Variants in TNS1 observed in about 807,000 individuals in gnomAD.
The protein encoded by TNS1 is tensin 1, also known as tensin-1.
In TNS1, 62 loss-of-function variants were observed where a neutral mutation model predicts 168.6. That is an observed-to-expected ratio of 0.37 (90% confidence interval 0.30 to 0.45). TNS1 has a LOEUF of 0.45. Among genes scored for constraint, TNS1 ranks in the 20% least tolerant of loss-of-function variants. TNS1 has a pLI of 1.00. For missense variants in TNS1, 2,240 were observed against 2,339.4 expected (o/e 0.96, Z 0.88); for synonymous variants, 934 against 933.2 (o/e 1.00, Z -0.02).
Position 217,821,731 on chromosome 2 carries a change from C to A in TNS1, c.3572+9G>T. ...CCCATCCCCCACCCACTGCCCCTTC[C>A]CGGCTTACCTGTCAGCACTGAGGAT... On this transcript the variant is annotated intron_variant, in intron 23 of 32. Coordinates refer to ENST00000682258, the MANE Select transcript of TNS1 (RefSeq NM_001387777.1). 7.0e-7 allele frequency: 1 copy of A among 1,431,922 alleles called. No individual in the cohort carries two copies. The allele number at this position is 1,431,922 out of a possible 1,614,324, so 88.7% of individuals were successfully genotyped here. A position where few individuals can be genotyped will look rare whatever the true frequency, so the allele number is the denominator to read the frequency against.
At chr2:217,923,629 T>C (rs889008649) in intron 3 of TNS1, among the ~76,000 whole-genome samples, 2 of 152,146 alleles carry the variant, frequency 1.3e-5, no homozygotes, top group Non-Finnish European at 2.9e-5. Flanking sequence ...ACAGGAACAA[T>C]GCTCACGGAG....
At chr2:217,871,685 C>A (rs1392763501) in intron 18 of TNS1, among the ~76,000 whole-genome samples, 5 of 152,272 alleles carry the variant, frequency 3.3e-5, no homozygotes, top group Non-Finnish European at 5.9e-5. Flanking sequence ...GACTCTGCTC[C>A]CCACTGCTGA....
At chr2:217,939,352 C>T (rs1956792516) in intron 3 of TNS1, among the ~76,000 whole-genome samples, 1 of 152,202 alleles carries the variant, frequency 6.6e-6, no homozygotes, top group Non-Finnish European at 1.5e-5. Flanking sequence ...CATCAAAACC[C>T]TCACCCCTCT....
rs1940505823 is a variant in TNS1, at chr2:217,809,880, G to A, written c.5216C>T (p.Thr1739Ile). ...TLAADPTPAATIVHFKVSAQG... is the reference protein window; with the variant it reads ...TLAADPTPAAIIVHFKVSAQG... ...GGCAGAGACTTTGAAGTGAACGATGGTGGCAGCTGGCGTGGGGTCTGCAGC... is the reference window on the plus strand; with the variant it reads ...GGCAGAGACTTTGAAGTGAACGATGATGGCAGCTGGCGTGGGGTCTGCAGC... The change falls in exon 30 of 33, where the codon ACC (threonine) becomes ATC (isoleucine). Residue 1739 changes from threonine (T) to isoleucine (I), a missense_variant. By Grantham distance (89) the Thr-to-Ile change is moderately conservative (BLOSUM62 -1). This residue lies in a region of TNS1 where 109 missense variants were observed against 168.1 expected (regional missense o/e 0.65). Coordinates refer to ENST00000682258, the MANE Select transcript of TNS1 (RefSeq NM_001387777.1). 1 of 1,614,124 alleles carries A rather than the reference G, an allele frequency of 6.2e-7. No individual in the cohort carries two copies. The highest frequency in any genetic ancestry group is 8.5e-7 in the Non-Finnish European group (1 of 1,180,016).
chr2:217,961,440 G>A (rs993970344), intron 3 of TNS1, among the ~76,000 whole-genome samples: 1 of 152,076 alleles, frequency 6.6e-6, no homozygotes, highest in Non-Finnish European at 1.5e-5. Context: ...TCCCCAGGAG[G>A]AGTGAAAACT....
chr2:217,870,485 G>A (rs941032820), intron 18 of TNS1, among the ~76,000 whole-genome samples: 4 of 152,220 alleles, frequency 2.6e-5, no homozygotes, highest in Non-Finnish European at 5.9e-5. Context: ...GATATAATTA[G>A]AGTCGGTATC....
intron 27 of TNS1, among the ~76,000 whole-genome samples, chr2:217,812,885 G>A (rs1300403997): frequency 6.6e-6 from 1 of 152,170 alleles, no homozygotes; most frequent in Non-Finnish European, 1.5e-5. Context: ...CAAACAGGAT[G>A]GTTGTGAGGC....
intron 19 of TNS1, among the ~76,000 whole-genome samples, chr2:217,843,007 G>A (rs1219740741): frequency 6.6e-6 from 1 of 152,024 alleles, no homozygotes; most frequent in East Asian, 1.9e-4. Flanking sequence ...TGCTGTAAGG[G>A]CAAGGATCTT....
At chr2:218,004,663 C>T (rs953191186), upstream of TNS1, among the ~76,000 whole-genome samples, 3 of 152,224 alleles carry the variant, frequency 2.0e-5, no homozygotes, top group African/African-American at 7.2e-5. Context: ...AGTGAAGTGT[C>T]AATTTCCAGC....
intron 17 of TNS1, chr2:217,881,988 T>G (rs1479373023): frequency 5.2e-6 from 1 of 192,824 alleles, no homozygotes; most frequent in Non-Finnish European, 1.0e-5. Context: ...ATCACCTCAG[T>G]TCTCATAAAT....
At chr2:217,965,906 C>T (rs1359851520) in intron 3 of TNS1, among the ~76,000 whole-genome samples, 1 of 152,124 alleles carries the variant, frequency 6.6e-6, no homozygotes, top group African/African-American at 2.4e-5. Flanking sequence ...CAAACCCCGC[C>T]CTCCTAGATC....
intron 24 of TNS1, chr2:217,815,422 T>C (rs1941730861): frequency 1.1e-5 from 2 of 174,290 alleles, no homozygotes; most frequent in Admixed American, 1.1e-4. Flanking sequence ...AGAGAACATA[T>C]TTCTGTCATT....
chr2:217,813,719 C>T lies in TNS1; in HGVS notation c.4827G>A (p.Ser1609=), dbSNP rs1453343044. 4.3e-6 allele frequency: 7 copies of T among 1,613,306 alleles called. No homozygotes were observed. The highest frequency in any genetic ancestry group is 3.3e-5 in the Admixed American group (2 of 59,856). Residue 1609 remains serine, a synonymous_variant, in exon 26 of 33, where the codon TCG becomes TCA. Transcript: ENST00000682258. The surrounding 1 kb of genome is among the most constrained non-coding windows in gnomAD (Gnocchi z 4.0). ...GAYGLAMKVS[S]PPPTIMQQNK... ...TCTGCTGCATGATGGTTGGAGGTGG[C>T]GAAGACACCTTCATGGCCAGCCCGT...
chr2:217,831,582 G>A, intron 21 of TNS1, 35 bp from the exon 22 acceptor site: 2 of 1,437,564 alleles, frequency 1.4e-6, no homozygotes, highest in Non-Finnish European at 1.8e-6. Context: ...CACAGGGAGT[G>A]AGAGGTGGGC....
At chr2:217,871,297 C>T (rs1288167522) in intron 18 of TNS1, among the ~76,000 whole-genome samples, 1 of 152,190 alleles carries the variant, frequency 6.6e-6, no homozygotes, top group African/African-American at 2.4e-5. Flanking sequence ...ATTCCTCCCT[C>T]CCCTGCTACT....
At chr2:217,835,898 G>T (rs900219359) in intron 20 of TNS1, 117 bp downstream of exon 20, 15 of 898,956 alleles carry the variant, frequency 1.7e-5, no homozygotes, top group South Asian at 9.0e-5. Context: ...GAGGACGTAG[G>T]GGGAGACAAA....
At chr2:217,808,506 T>TTC in intron 31 of TNS1, 97 bp downstream of exon 31, 1 of 1,066,786 alleles carries the variant, frequency 9.4e-7, no homozygotes, top group Non-Finnish European at 1.4e-6. Context: ...TGTATGCACA[T>TTC]GCACACACAC....
At chr2:217,924,967 G>C (rs890712950) in intron 3 of TNS1, among the ~76,000 whole-genome samples, 1 of 152,058 alleles carries the variant, frequency 6.6e-6, no homozygotes, top group African/African-American at 2.4e-5. Flanking sequence ...ATAAAGCTAG[G>C]GGTACACAAT....
chr2:217,946,881 G>A (rs1341133553), intron 3 of TNS1, among the ~76,000 whole-genome samples: 1 of 151,646 alleles, frequency 6.6e-6, no homozygotes, highest in Non-Finnish European at 1.5e-5. Flanking sequence ...AATTCTAAGA[G>A]CTGTCCCGCA....
Sources: gnomAD v4.1 joint callset for allele counts (sites outside exome capture counted in the v4.1 genomes callset) on GRCh38, gnomAD v4.1.1 for gene constraint, gnomAD v4.1.1 regional missense constraint, Gnocchi (gnomAD v3.1) non-coding constraint, MANE v1.5 for transcripts, NCBI Gene and HGNC (gene_info 2026-07-23, HGNC 2026-07-21) for gene names.